The following EXOC6 variants were observed in gnomAD, a reference collection of about 807,000 sequenced individuals.
EXOC6 encodes the protein SEC15-like 1.
In EXOC6, 60 loss-of-function variants were observed where a neutral mutation model predicts 112.5. The ratio of observed to expected loss-of-function variants is 0.53; its 90% CI spans 0.43 to 0.66. The LOEUF (loss-of-function observed/expected upper bound fraction) is 0.66. EXOC6 is among the 30% of genes least tolerant of loss of function. EXOC6 has a pLI of 0.00. For missense variants in EXOC6, 855 were observed against 957.1 expected, an observed-to-expected ratio of 0.89 and a Z score of 1.41; for synonymous variants, 295 against 308.0, an observed-to-expected ratio of 0.96 and a Z score of 0.44.
intron 20 of EXOC6, among the ~76,000 whole-genome samples, chr10:93,042,856 A>AT (rs1472775183): frequency 2.0e-5 from 3 of 151,980 alleles, no homozygotes; most frequent in Admixed American, 6.6e-5. Flanking sequence ...GAAGAGCTTG[A>AT]TTTTTTTCCA....
intron 12 of EXOC6, 47 bp from the exon 13 acceptor site, chr10:92,940,680 A>G: frequency 1.6e-6 from 2 of 1,271,534 alleles, no homozygotes; most frequent in East Asian, 4.8e-5. Context: ...TTTAATGAAT[A>G]TTTTTGTACA....
intron 1 of EXOC6, among the ~76,000 whole-genome samples, chr10:92,885,796 CCT>C (rs1435040385): frequency 2.0e-5 from 3 of 152,068 alleles, no homozygotes; most frequent in Admixed American, 6.6e-5. Flanking sequence ...CTAACCCCCC[CCT>C]CTTTTTTACT....
chr10:92,974,111 A>T lies in EXOC6; in HGVS notation c.1832A>T (p.Glu611Val). Reference protein sequence around the residue: ...IYTKLNQKIDEFVQLADYDWT... With the variant: ...IYTKLNQKIDVFVQLADYDWT... The stretch of plus-strand genomic sequence containing the variant: ...ACCAAACTGAATCAAAAAATTGATG[A>T]ATTTGTTCAGCTTGCTGATTATGAC... Residue 611 changes from glutamate (E) to valine (V), a missense_variant, in exon 18 of 22, where the codon GAA becomes GTA. This residue lies in a region of EXOC6 where 450 missense variants were observed against 563.5 expected (regional missense o/e 0.80). Transcript: ENST00000260762. The T allele has an allele frequency of 6.2e-7, 1 of 1,605,192 alleles. No individual in the cohort carries two copies. The highest frequency in any genetic ancestry group is 8.5e-7 in the Non-Finnish European group (1 of 1,178,184).
chr10:92,854,052 T>C (rs545931558), intron 1 of EXOC6, among the ~76,000 whole-genome samples: 178 of 147,402 alleles, frequency 1.2e-3, no homozygotes, highest in Admixed American at 3.3e-3. Flanking sequence ...GAGCCACAGA[T>C]TGGGAGAAGA....
chr10:92,847,280 T>A (rs780107293), upstream of EXOC6, among the ~76,000 whole-genome samples: 4 of 152,242 alleles, frequency 2.6e-5, no homozygotes, highest in Non-Finnish European at 5.9e-5. Context: ...TTTACAGTCA[T>A]TTAACTGACA....
At chr10:92,879,483 G>A (rs1848843836) in intron 1 of EXOC6, among the ~76,000 whole-genome samples, 1 of 152,108 alleles carries the variant, frequency 6.6e-6, no homozygotes, top group African/African-American at 2.4e-5. Context: ...AGAAAAAAAA[G>A]CTCATAGGTC....
chr10:92,875,936 T>C (rs952919803), intron 1 of EXOC6, among the ~76,000 whole-genome samples: 19 of 152,046 alleles, frequency 1.2e-4, no homozygotes, highest in African/African-American at 7.2e-5. Flanking sequence ...TCAGAACACA[T>C]GTATATATAA....
At chr10:93,042,886 T>G (rs183064300) in intron 20 of EXOC6, among the ~76,000 whole-genome samples, 55 of 152,028 alleles carry the variant, frequency 3.6e-4, no homozygotes, top group Admixed American at 1.6e-3. Context: ...TGCCGATTTC[T>G]AACATTCTGA....
rs745829220 is a variant in EXOC6, at chr10:92,940,832, T to G, written c.1310+8T>G. On this transcript the variant is annotated splice_region_variant and intron_variant, in intron 13 of 21. Coordinates refer to ENST00000260762, the MANE Select transcript of EXOC6 (RefSeq NM_019053.6). Reference sequence around the variant, plus strand: ...ATGGGCTGGAGTTTTCAGGTTAGTCTAAGTCATGGTGCCTTAATATAATGA... The same window carrying G: ...ATGGGCTGGAGTTTTCAGGTTAGTCGAAGTCATGGTGCCTTAATATAATGA... 1 of 1,539,038 alleles carries G rather than the reference T, an allele frequency of 6.5e-7. No individual in the cohort carries two copies. Among genetic ancestry groups the G allele is most frequent in the South Asian group, 1.1e-5 (1 of 87,574 alleles).
intron 5 of EXOC6, among the ~76,000 whole-genome samples, chr10:92,903,457 A>C (rs559776315): frequency 1.8e-4 from 27 of 151,990 alleles, no homozygotes; most frequent in African/African-American, 6.3e-4. Context: ...TAGATTAGAC[A>C]CAATCCAGGG....
chr10:92,882,700 C>G (rs571846962), intron 1 of EXOC6, among the ~76,000 whole-genome samples: 11 of 152,200 alleles, frequency 7.2e-5, no homozygotes, highest in Admixed American at 4.6e-4. Context: ...CATTGTTTCT[C>G]ACATGGTTGT....
intron 18 of EXOC6, among the ~76,000 whole-genome samples, chr10:92,995,909 G>A (rs1843462911): frequency 1.3e-5 from 2 of 152,138 alleles, no homozygotes; most frequent in Admixed American, 6.5e-5. Flanking sequence ...AAAGTTGTTT[G>A]TTTCTAGTCT....
intron 7 of EXOC6, 65 bp from the exon 8 acceptor site, chr10:92,919,917 T>A: frequency 1.0e-6 from 1 of 964,790 alleles, no homozygotes; most frequent in South Asian, 1.7e-5. Flanking sequence ...TCTTTAACTT[T>A]ACATTATCTA....
chr10:92,979,378 C>T (rs113434427), intron 18 of EXOC6, among the ~76,000 whole-genome samples: 14 of 152,146 alleles, frequency 9.2e-5, no homozygotes, highest in Admixed American at 3.3e-4. Context: ...TGCTGATGAC[C>T]ATTGCCTAGT....
At chr10:92,860,444 A>G (rs1348124779) in intron 1 of EXOC6, among the ~76,000 whole-genome samples, 3 of 151,912 alleles carry the variant, frequency 2.0e-5, no homozygotes, top group Admixed American at 1.3e-4. Context: ...TTGTATTTTT[A>G]GTAGAGACGG....
intron 20 of EXOC6, among the ~76,000 whole-genome samples, chr10:93,033,586 T>A (rs1420272551): frequency 2.6e-5 from 4 of 152,222 alleles, no homozygotes; most frequent in Non-Finnish European, 5.9e-5. Context: ...TAAGTTAAAT[T>A]TGTCTTGCAT....
chr10:92,843,008 A>G (rs1846911976), intron 1 of EXOC6, among the ~76,000 whole-genome samples: 4 of 152,232 alleles, frequency 2.6e-5, no homozygotes, highest in Admixed American at 2.6e-4. Flanking sequence ...ATACATGAAC[A>G]TGGTACACAG....
intron 17 of EXOC6, among the ~76,000 whole-genome samples, chr10:92,960,940 G>C (rs1853961937): frequency 6.6e-6 from 1 of 151,980 alleles, no homozygotes; most frequent in Non-Finnish European, 1.5e-5. Context: ...TATCACTTTT[G>C]GCTATTTAGA....
chr10:92,983,840 C>A (rs1842912585), intron 18 of EXOC6, among the ~76,000 whole-genome samples: 1 of 152,146 alleles, frequency 6.6e-6, no homozygotes, highest in Admixed American at 6.5e-5. Flanking sequence ...TACTGTACTT[C>A]TATTTCTGGT....
Sources: allele counts gnomAD v4.1 joint callset (sites outside exome capture counted in the v4.1 genomes callset), GRCh38; gene constraint gnomAD v4.1.1; regional missense constraint gnomAD v4.1.1; transcripts MANE v1.5; gene names NCBI Gene and HGNC (gene_info 2026-07-23, HGNC 2026-07-21).